Variants in MTUS2 observed in about 807,000 individuals in gnomAD.
MTUS2 encodes microtubule-associated tumor suppressor candidate 2.
Under a neutral mutation model 114.1 loss-of-function variants are expected in MTUS2, and 40 were observed. That is an observed-to-expected ratio of 0.35 (90% CI 0.27 to 0.46). The LOEUF is 0.46. Among genes scored for constraint, MTUS2 ranks in the 20% least tolerant of loss-of-function variants. The pLI is 1.00. For missense variants in MTUS2, 1,679 were observed against 1,705.4 expected, an observed-to-expected ratio of 0.98 and a Z score of 0.27; for synonymous variants, 688 against 672.0, an observed-to-expected ratio of 1.02 and a Z score of -0.37.
intron 5 of MTUS2, among the ~76,000 whole-genome samples, chr13:29,115,909 A>G (rs1466566579): frequency 6.6e-6 from 1 of 152,262 alleles, no homozygotes; most frequent in Non-Finnish European, 1.5e-5. Context: ...AAGCTGAATT[A>G]CAGAATGTGT....
intron 8 of MTUS2, among the ~76,000 whole-genome samples, chr13:29,435,283 G>A (rs1877323246): frequency 6.6e-6 from 1 of 152,184 alleles, no homozygotes; most frequent in African/African-American, 2.4e-5. Flanking sequence ...CAGTTTGGAT[G>A]ATTAACACTG....
At chr13:29,017,416 A>G (rs972224121) in intron 2 of MTUS2, among the ~76,000 whole-genome samples, 2 of 152,336 alleles carry the variant, frequency 1.3e-5, no homozygotes, top group Middle Eastern at 3.4e-3. Flanking sequence ...AAAATTCACA[A>G]CTGATAAAGC....
intron 6 of MTUS2, among the ~76,000 whole-genome samples, chr13:29,299,941 T>C (rs909386241): frequency 2.0e-5 from 3 of 152,066 alleles, no homozygotes; most frequent in Admixed American, 1.3e-4. Context: ...GTAAAATTCA[T>C]TGGAACAATT....
intron 2 of MTUS2, among the ~76,000 whole-genome samples, chr13:29,009,032 G>A (rs910084045): frequency 2.5e-4 from 37 of 150,398 alleles, no homozygotes; most frequent in African/African-American, 8.8e-4. Context: ...TTTTTTTGGT[G>A]GGGAGTTCTA....
At chr13:28,909,191 A>G (rs900483668) in intron 2 of MTUS2, among the ~76,000 whole-genome samples, 4 of 151,362 alleles carry the variant, frequency 2.6e-5, no homozygotes, top group South Asian at 4.2e-4. Flanking sequence ...TTGGTTCCAT[A>G]TGAACTTTAA....
chr13:28,880,498 A>G (rs576050519), intron 2 of MTUS2, among the ~76,000 whole-genome samples: 14 of 152,250 alleles, frequency 9.2e-5, no homozygotes, highest in Non-Finnish European at 1.0e-4. Flanking sequence ...ATGGTAACAC[A>G]GTGTTTATCC....
intron 14 of MTUS2, 92 bp downstream of exon 14, chr13:29,498,629 T>A: frequency 6.5e-7 from 1 of 1,531,342 alleles, no homozygotes; most frequent in South Asian, 1.2e-5. Context: ...GCCAGGTGTG[T>A]CCCTTACCTG....
intron 5 of MTUS2, among the ~76,000 whole-genome samples, chr13:29,114,168 A>T (rs1455176710): frequency 5.3e-5 from 8 of 151,074 alleles, no homozygotes; most frequent in African/African-American, 1.5e-4. Flanking sequence ...TTTTTTTTTT[A>T]AATAAATTAC....
intron 15 of MTUS2, among the ~76,000 whole-genome samples, chr13:29,501,734 G>A (rs1882917112): frequency 6.6e-6 from 1 of 152,184 alleles, no homozygotes. Context: ...ACCCAGGCCT[G>A]AACCCTTGCC....
chr13:29,082,716 A>C (rs74041726), intron 4 of MTUS2, among the ~76,000 whole-genome samples: 186 of 152,282 alleles, frequency 1.2e-3, no homozygotes, highest in African/African-American at 4.0e-3. Context: ...ATGGAGGGTC[A>C]CGGGTTCAGA....
intron 2 of MTUS2, among the ~76,000 whole-genome samples, chr13:28,863,055 A>G (rs7328706): frequency 0.22 from 33,516 of 152,160 alleles, 6,658 homozygotes; most frequent in African/African-American, 0.53. Flanking sequence ...ACATTTGAAA[A>G]TAACTCACAT....
At chr13:29,387,559 G>A (rs1424018476) in intron 8 of MTUS2, among the ~76,000 whole-genome samples, 1 of 152,168 alleles carries the variant, frequency 6.6e-6, no homozygotes, top group African/African-American at 2.4e-5. Context: ...ACAAACAAAG[G>A]AGGGGAGAGG....
chr13:29,284,683 A>G (rs1898407027), intron 6 of MTUS2, among the ~76,000 whole-genome samples: 1 of 152,196 alleles, frequency 6.6e-6, no homozygotes, highest in Non-Finnish European at 1.5e-5. Context: ...TGCAACGAAA[A>G]TCTGAAATTA....
At chr13:29,181,525 A>T (rs537802401) in intron 5 of MTUS2, among the ~76,000 whole-genome samples, 1 of 152,262 alleles carries the variant, frequency 6.6e-6, no homozygotes, top group East Asian at 1.9e-4. Flanking sequence ...GCCATTTTTA[A>T]TCATCAGAGA....
At position 29,209,926 on chromosome 13, in the gene MTUS2, A is replaced by G. The variant is rs545127400; in HGVS notation, c.2645-71778A>G. Among the ~76,000 whole-genome samples, 8 of 152,258 alleles carry G rather than the reference A, an allele frequency of 5.3e-5. No homozygotes were observed. The South Asian group carries it at 1.7e-3, about 32-fold the overall frequency. On this transcript the variant is annotated intron_variant, in intron 5 of 15. Coordinates refer to ENST00000612955, the MANE Select transcript of MTUS2 (RefSeq NM_001033602.4). ...GTGCCTAGGCAATTATCTTTTTGCAATAAATTTCGCGGGTGTTCTTTGAGG... is the reference window on the plus strand; with the variant it reads ...GTGCCTAGGCAATTATCTTTTTGCAGTAAATTTCGCGGGTGTTCTTTGAGG...
chr13:29,412,064 C>G (rs1875281384), intron 8 of MTUS2, among the ~76,000 whole-genome samples: 1 of 152,038 alleles, frequency 6.6e-6, no homozygotes, highest in Non-Finnish European at 1.5e-5. Context: ...TTGTATGCCT[C>G]TAATTAATTT....
At chr13:28,910,515 T>G (rs1253618296) in intron 2 of MTUS2, among the ~76,000 whole-genome samples, 1 of 152,134 alleles carries the variant, frequency 6.6e-6, no homozygotes, top group Non-Finnish European at 1.5e-5. Context: ...CATTACCTGT[T>G]CTTTCTTTTC....
chr13:29,156,765 A>G (rs1264139864), intron 5 of MTUS2, among the ~76,000 whole-genome samples: 1 of 152,194 alleles, frequency 6.6e-6, no homozygotes, highest in African/African-American at 2.4e-5. Flanking sequence ...TTTTAAAATT[A>G]TTCTGAAGTT....
chr13:28,924,500 A>G (rs1184650675), intron 2 of MTUS2, among the ~76,000 whole-genome samples: 3 of 152,200 alleles, frequency 2.0e-5, no homozygotes, highest in Admixed American at 6.5e-5. Flanking sequence ...CAAAGTCCCA[A>G]TAGGCTGAAT....
Sources: gnomAD v4.1 joint callset for allele counts (sites outside exome capture counted in the v4.1 genomes callset) on GRCh38, gnomAD v4.1.1 for gene constraint, MANE v1.5 for transcripts, NCBI Gene and HGNC (gene_info 2026-07-23, HGNC 2026-07-21) for gene names.